Variants in PPRC1 observed in about 807,000 individuals in gnomAD.
PPRC1 encodes the protein PPARG related coactivator 1.
PPRC1 carries 23 observed loss-of-function variants against 132.5 expected under a neutral mutation model. That is an observed-to-expected ratio of 0.17 (90% confidence interval 0.12 to 0.25). The LOEUF (loss-of-function observed/expected upper bound fraction) is 0.25. PPRC1 is among the 10% of genes least tolerant of loss of function. The probability of loss-of-function intolerance (pLI) is 1.00; values close to 1 mark genes in which losing one functional copy is unlikely to be tolerated. For synonymous variants in PPRC1, 872 were observed against 833.5 expected (o/e 1.05, Z -0.80); for missense variants, 2,006 against 2,089.1 (o/e 0.96, Z 0.78).
chr10:102,144,303 T>C lies in PPRC1; in HGVS notation c.3604T>C (p.Ser1202Pro), dbSNP rs146640325. ...TGCTGACAGCTTGGCTGTAGGAAACTCAGGGTAAGTATGGAGACATGAGCG... is the reference window on the plus strand; with the variant it reads ...TGCTGACAGCTTGGCTGTAGGAAACCCAGGGTAAGTATGGAGACATGAGCG... ...APADSLAVGN[S>P]GGVDIPQEKR... is the part of the protein sequence containing the mutation. The change falls in exon 7 of 14, where the codon TCA (serine) becomes CCA (proline). Residue 1202 changes from serine (S) to proline (P), a missense_variant. Physicochemically the swap from Ser to Pro is moderately conservative, Grantham distance 74. Around this residue, in one of 2 missense-constraint regions of PPRC1, gnomAD observed 1,914 missense variants for 1,917.2 expected, o/e 1.00. Coordinates refer to ENST00000278070, the MANE Select transcript of PPRC1 (RefSeq NM_015062.5). 1.5e-5 allele frequency: 24 copies of C among 1,613,814 alleles called. No individual in the cohort carries two copies. The highest frequency in any genetic ancestry group is 1.8e-5 in the Non-Finnish European group (21 of 1,179,990).
intron 2 of PPRC1, among the ~76,000 whole-genome samples, chr10:102,138,367 C>T (rs2068802530): frequency 6.6e-6 from 1 of 152,150 alleles, no homozygotes; most frequent in Admixed American, 6.5e-5. Context: ...CTGAGCATCC[C>T]ACATCTTATC....
Position 102,141,402 on chromosome 10 carries a change from C to G in PPRC1, c.2894C>G (p.Pro965Arg). The G allele has an allele frequency of 6.2e-7, 1 of 1,613,978 alleles. No individual in the cohort carries two copies. The highest frequency in any genetic ancestry group is 1.1e-5 in the South Asian group (1 of 91,080). ...CCCACTTGCAGTGTGCCTTGGGCAC[C>G]CCCTCCTGCCCCAGTCTCACCTTAC... ...VPPTCSVPWA[P>R]PPAPVSPYSS... Residue 965 changes from proline (P) to arginine (R), a missense_variant, in exon 5 of 14, where the codon CCC (proline) becomes CGC (arginine). Pro to Arg is a moderately radical substitution (Grantham distance 103). Coordinates refer to ENST00000278070, the MANE Select transcript of PPRC1 (RefSeq NM_015062.5).
chr10:102,128,623 C>CTT (rs1236327373), upstream of PPRC1, among the ~76,000 whole-genome samples: 3 of 130,852 alleles, frequency 2.3e-5, no homozygotes, highest in Non-Finnish European at 5.0e-5. Context: ...TTTTTTTTTT[C>CTT]TTTTTTTTTT....
upstream of PPRC1, among the ~76,000 whole-genome samples, chr10:102,129,617 A>G (rs968527249): frequency 4.6e-5 from 7 of 151,820 alleles, no homozygotes; most frequent in African/African-American, 1.7e-4. Flanking sequence ...TTACTTATTT[A>G]TTTTGAGATG....
At chr10:102,123,132 G>A in the PPRC1 span, among the ~76,000 whole-genome samples, 1 of 152,144 alleles carries the variant, frequency 6.6e-6, no homozygotes, top group Non-Finnish European at 1.5e-5. Flanking sequence ...CTGTTGAATG[G>A]GTGGTTAAAA....
the PPRC1 span, among the ~76,000 whole-genome samples, chr10:102,127,787 G>A: frequency 6.6e-6 from 1 of 151,492 alleles, no homozygotes; most frequent in East Asian, 1.9e-4. Context: ...CCTGAGCTCA[G>A]GCAATCTGCC....
intron 2 of PPRC1, 145 bp from the exon 3 acceptor site, chr10:102,138,474 C>T (rs1330472047): frequency 4.0e-6 from 4 of 990,464 alleles, no homozygotes; most frequent in Non-Finnish European, 5.9e-6. Context: ...GATTGGAATC[C>T]ATGCCTTCTG....
chr10:102,127,019 T>TTTTA, the PPRC1 span, among the ~76,000 whole-genome samples: 272 of 78,866 alleles, frequency 3.4e-3, 12 homozygotes, highest in African/African-American at 7.2e-3. Flanking sequence ...TGGTTTTTTA[T>TTTTA]CATATATATA....
rs1445438214 is a variant in PPRC1, at chr10:102,139,746, G to C, written c.1238G>C (p.Gly413Ala). 6.2e-7 allele frequency: 1 copy of C among 1,614,144 alleles called. No individual in the cohort carries two copies. Among genetic ancestry groups the C allele is most frequent in the East Asian group, 2.2e-5 (1 of 44,882 alleles). Residue 413 changes from glycine (G) to alanine (A), a missense_variant, in exon 5 of 14, where the codon GGG becomes GCG. Physicochemically the swap from Gly to Ala is moderately conservative, Grantham distance 60. This residue lies in a region of PPRC1 where 1,914 missense variants were observed against 1,917.2 expected (regional missense o/e 1.00). Transcript: ENST00000278070. The stretch of plus-strand genomic sequence containing the variant: ...GTAACCCTCTGCTCTGAGAAAGAGG[G>C]GTTGTCATTGAACTCAGAGGAGAAG... ...PKVTLCSEKE[G>A]LSLNSEEKLD...
At chr10:102,138,120 C>A in intron 2 of PPRC1, 82 bp downstream of exon 2, 1 of 1,422,238 alleles carries the variant, frequency 7.0e-7, no homozygotes, top group Non-Finnish European at 9.5e-7. Context: ...CATGGCTCTG[C>A]TCTCCCAGGA....
rs192555959 is a variant in PPRC1 at position 102,149,126 on chromosome 10, G to A, written c.4740-52G>A. On this transcript the variant is annotated intron_variant, in intron 12 of 13. Coordinates refer to ENST00000278070, the MANE Select transcript of PPRC1 (RefSeq NM_015062.5). ...CCTTGGGATGCTGTGTCTCCTCTAT[G>A]GCATGGGCCCATATAGCCACTCCAG... 20 of 1,538,268 alleles carry A rather than the reference G, an allele frequency of 1.3e-5. No homozygotes were observed. The Admixed American group carries it at 2.1e-4, about 16-fold the overall frequency.
At position 102,143,112 on chromosome 10, in the gene PPRC1, G is replaced by T. The variant is rs371269857; in HGVS notation, c.3550+14G>T. On this transcript the variant is annotated intron_variant, in intron 6 of 13. Coordinates refer to ENST00000278070, the MANE Select transcript of PPRC1 (RefSeq NM_015062.5). ...AGAAATCAGAAGGTGAGGGAACATG[G>T]GTAGTTTTGCTCCAACTCTTTTTTT... 1 of 1,610,034 alleles carries T rather than the reference G, an allele frequency of 6.2e-7. No individual in the cohort carries two copies. The highest frequency in any genetic ancestry group is 8.5e-7 in the Non-Finnish European group (1 of 1,176,408).
chr10:102,120,441 C>G, the PPRC1 span: 4 of 971,086 alleles, frequency 4.1e-6, no homozygotes, highest in Non-Finnish European at 3.7e-6. Flanking sequence ...GAGCGCCCCC[C>G]TCTCCGCCCT....
the PPRC1 span, among the ~76,000 whole-genome samples, chr10:102,126,743 G>A: frequency 3.9e-5 from 6 of 151,954 alleles, no homozygotes; most frequent in Admixed American, 1.3e-4. Context: ...ACAGGTGTAA[G>A]ACACCACACC....
rs376363965 is a variant in PPRC1, at chr10:102,148,957, C to G, written c.4739+19C>G. ...TCCAAGGGTAAGCTTGGGCCCCAGG[C>G]TCAGGATGTTCTTTCTATCCCATTC... On this transcript the variant is annotated intron_variant, in intron 12 of 13. Coordinates refer to ENST00000278070, the MANE Select transcript of PPRC1 (RefSeq NM_015062.5). This position sits in a 1 kb window ranked among gnomAD's most constrained non-coding sequence, Gnocchi z 4.2. 45 of 1,612,198 alleles carry G rather than the reference C, an allele frequency of 2.8e-5. 1 individual carries two copies. In the South Asian group the frequency reaches 4.2e-4, roughly 15 times the overall value.
At chr10:102,130,982 A>G (rs1448229320), upstream of PPRC1, among the ~76,000 whole-genome samples, 8 of 152,038 alleles carry the variant, frequency 5.3e-5, no homozygotes, top group East Asian at 3.9e-4. Context: ...CACGAGGTCA[A>G]GAGATCGAGA....
intron 1 of PPRC1, among the ~76,000 whole-genome samples, chr10:102,136,054 G>A (rs1000909355): frequency 1.3e-5 from 2 of 152,142 alleles, no homozygotes; most frequent in African/African-American, 4.8e-5. Flanking sequence ...CAGCTTAGTC[G>A]CTGGGGCTCT....
In PPRC1 at chr10:102,148,042, T is replaced by A. The variant is rs761981050; in HGVS notation, c.4401-330T>A. Among the ~76,000 whole-genome samples, 3 of 152,162 alleles carry A rather than the reference T, an allele frequency of 2.0e-5. No homozygotes were observed. Among genetic ancestry groups the A allele is most frequent in the Non-Finnish European group, 4.4e-5 (3 of 68,032 alleles). Reference sequence around the variant, plus strand: ...GGCCCCAGCACCACAGATAGCTGGGTGTGAGACCTAGGGCTCACCCCTCTC... The same window carrying A: ...GGCCCCAGCACCACAGATAGCTGGGAGTGAGACCTAGGGCTCACCCCTCTC... On this transcript the variant is annotated intron_variant, in intron 9 of 13. Transcript: ENST00000278070. This position sits in a 1 kb window ranked among gnomAD's most constrained non-coding sequence, Gnocchi z 4.2.
chr10:102,144,536 C>G lies in PPRC1; in HGVS notation c.3608+229C>G. 4 of 578,636 alleles carry G rather than the reference C, an allele frequency of 6.9e-6. No individual in the cohort carries two copies. In the South Asian group the frequency reaches 8.3e-5, roughly 12 times the overall value. The allele number at this position is 578,636 out of a possible 1,614,324, so 35.8% of individuals were successfully genotyped here. Reference sequence around the variant, plus strand: ...CCTCCAGCTGATTCCAGTCGGGCTCCAAATGTCCTAGAGGTGCCTTTTATC... The same window carrying G: ...CCTCCAGCTGATTCCAGTCGGGCTCGAAATGTCCTAGAGGTGCCTTTTATC... On this transcript the variant is annotated intron_variant, in intron 7 of 13. Coordinates refer to ENST00000278070, the MANE Select transcript of PPRC1 (RefSeq NM_015062.5).
Sources: allele counts gnomAD v4.1 joint callset (sites outside exome capture counted in the v4.1 genomes callset), GRCh38; gene constraint gnomAD v4.1.1; regional missense constraint gnomAD v4.1.1; non-coding constraint Gnocchi (gnomAD v3.1); transcripts MANE v1.5; gene names NCBI Gene and HGNC (gene_info 2026-07-23, HGNC 2026-07-21).